PRSS35: variants seen among roughly 807,000 people sequenced by gnomAD.
PRSS35 encodes the protein serine protease 35.
Under a neutral mutation model 8.1 loss-of-function variants are expected in PRSS35, and 7 were observed. The observed-to-expected ratio is 0.86, with a 90% confidence interval of 0.49 to 1.62. The LOEUF (loss-of-function observed/expected upper bound fraction) is 1.62. Ranked by LOEUF, PRSS35 falls within the 40% of genes most tolerant of loss-of-function variation. PRSS35 has a pLI of 0.00. For missense variants in PRSS35, 566 were observed against 518.0 expected (o/e 1.09, Z -0.90); for synonymous variants, 199 against 188.7 (o/e 1.05, Z -0.45).
intron 1 of PRSS35, among the ~76,000 whole-genome samples, chr6:83,518,204 T>C (rs1053917255): frequency 7.2e-5 from 11 of 152,230 alleles, no homozygotes; most frequent in African/African-American, 2.4e-4. Flanking sequence ...AGCTAGACTA[T>C]AAACTTCTAG....
In PRSS35 at chr6:83,524,194, G is replaced by GA; in HGVS notation, c.754dup (p.Thr252AsnfsTer25). On this transcript the variant is annotated frameshift_variant, in exon 2 of 2. Coordinates refer to ENST00000369700, the MANE Select transcript of PRSS35 (RefSeq NM_153362.3). LOFTEE classifies it high-confidence loss of function. Reference sequence around the variant, plus strand: ...CCGAAGGGAGGCCTTCCTTTCAGTGGACCCGGGTCAAGAATACCCACATTC... The same window carrying GA: ...CCGAAGGGAGGCCTTCCTTTCAGTGGAACCCGGGTCAAGAATACCCACATTC... 6.2e-7 allele frequency: 1 copy of GA among 1,614,104 alleles called. No individual in the cohort carries two copies. Among genetic ancestry groups the GA allele is most frequent in the Non-Finnish European group, 8.5e-7 (1 of 1,180,018 alleles).
rs504593 is a variant in PRSS35 at position 83,524,112 on chromosome 6, G to A, written c.671G>A (p.Arg224Gln). 0.91 allele frequency: 1,466,436 copies of A among 1,614,022 alleles called. 667,098 individuals are homozygous for A. The highest frequency in any genetic ancestry group is 1 in the East Asian group (44,849 of 44,856). Residue 224 changes from arginine (R) to glutamine (Q), a missense_variant, in exon 2 of 2, where the codon CGG (arginine) becomes CAG (glutamine). Transcript: ENST00000369700. ...DQREGTREHL[R>Q]ERAKGGRRRK... ...AGAGAGGGTACCAGAGAGCATCTGC[G>A]GGAGAGAGCGAAGGGTGGGAGAAGA... is the stretch of plus-strand genomic sequence containing the variant.
At chr6:83,513,720 C>T (rs1463217195) in intron 1 of PRSS35, among the ~76,000 whole-genome samples, 1 of 151,870 alleles carries the variant, frequency 6.6e-6, no homozygotes, top group Non-Finnish European at 1.5e-5. Context: ...GATACTGTAC[C>T]CCATTTTTCT....
At position 83,523,658 on chromosome 6, in the gene PRSS35, C is replaced by G; in HGVS notation, c.217C>G (p.Pro73Ala). 6.2e-7 allele frequency: 1 copy of G among 1,614,164 alleles called. No individual in the cohort carries two copies. The highest frequency in any genetic ancestry group is 8.5e-7 in the Non-Finnish European group (1 of 1,180,032). The change falls in exon 2 of 2, where the codon CCC (proline) becomes GCC (alanine). Residue 73 changes from proline to alanine, a missense_variant. Physicochemically the swap from Pro to Ala is conservative, Grantham distance 27. Coordinates refer to ENST00000369700, the MANE Select transcript of PRSS35 (RefSeq NM_153362.3). Reference sequence around the variant, plus strand: ...CGAATGCCAGAAAGAACTCCCAACTCCCAGCCTTTCTGAATTGGAGGATTA... The same window carrying G: ...CGAATGCCAGAAAGAACTCCCAACTGCCAGCCTTTCTGAATTGGAGGATTA... ...GIECQKELPT[P>A]SLSELEDYLS...
At chr6:83,517,249 T>C (rs754575378) in intron 1 of PRSS35, among the ~76,000 whole-genome samples, 16 of 152,202 alleles carry the variant, frequency 1.1e-4, no homozygotes, top group Non-Finnish European at 1.9e-4. Context: ...GTACTTAAGG[T>C]TGATTTGGCT....
chr6:83,522,296 A>G (rs2127713691), intron 1 of PRSS35, among the ~76,000 whole-genome samples: 1 of 152,184 alleles, frequency 6.6e-6, no homozygotes, highest in South Asian at 2.1e-4. Context: ...GAGGTTCAAA[A>G]TTGCTGCTCC....
chr6:83,520,686 A>AT, intron 1 of PRSS35, among the ~76,000 whole-genome samples: 1 of 152,350 alleles, frequency 6.6e-6, no homozygotes, highest in East Asian at 1.9e-4. Flanking sequence ...TTTCCAAAGT[A>AT]TTGTCCAAGG....
At position 83,524,156 on chromosome 6, in the gene PRSS35, G is replaced by T. The variant is rs555827964; in HGVS notation, c.715G>T (p.Gly239Cys). 5.6e-6 allele frequency: 9 copies of T among 1,614,074 alleles called. No individual in the cohort carries two copies. The highest frequency in any genetic ancestry group is 7.6e-6 in the Non-Finnish European group (9 of 1,180,018). The change falls in exon 2 of 2, where the codon GGT (glycine) becomes TGT (cysteine). Residue 239 changes from glycine to cysteine, a missense_variant. Transcript: ENST00000369700. Reference sequence around the variant, plus strand: ...GAGAAGAAGAAAAAAATCTGGCCGGGGTCAGAGGATTGCCGAAGGGAGGCC... The same window carrying T: ...GAGAAGAAGAAAAAAATCTGGCCGGTGTCAGAGGATTGCCGAAGGGAGGCC... ...GGRRRKKSGR[G>C]QRIAEGRPSF...
rs1410610684 is a variant in PRSS35 at position 83,512,643 on chromosome 6, G to T, written c.-72G>T. 6.6e-6 allele frequency: 1 copy of T among 152,242 alleles called. No homozygotes were observed. Among genetic ancestry groups the T allele is most frequent in the Admixed American group, 6.6e-5 (1 of 15,264 alleles). The allele number at this position is 152,242 out of a possible 1,614,324, so 9.4% of individuals were successfully genotyped here. On this transcript the variant is annotated 5_prime_UTR_variant, in exon 1 of 2. Coordinates refer to ENST00000369700, the MANE Select transcript of PRSS35 (RefSeq NM_153362.3). The stretch of plus-strand genomic sequence containing the variant: ...TGCAGCGTCCCCGCCCGCCTCCTCG[G>T]GAGCTCTGATCTCAGCTGACAGTGC...
At chr6:83,514,011 T>C (rs1173838340) in intron 1 of PRSS35, among the ~76,000 whole-genome samples, 1 of 152,108 alleles carries the variant, frequency 6.6e-6, no homozygotes, top group South Asian at 2.1e-4. Context: ...AGATGAGAAA[T>C]CTGAGATGGA....
In PRSS35 at chr6:83,524,376, T is replaced by A. The variant is rs982873007; in HGVS notation, c.935T>A (p.Phe312Tyr). The A allele has an allele frequency of 1.2e-6, 2 of 1,614,040 alleles. No individual in the cohort carries two copies. Among genetic ancestry groups the A allele is most frequent in the African/African-American group, 2.7e-5 (2 of 74,916 alleles). ...MPGGMIHFSG[F>Y]DNDRADQLVY... ...GGTGGAATGATCCACTTCTCAGGATTTGATAACGATAGGGCTGATCAGTTG... is the reference window on the plus strand; with the variant it reads ...GGTGGAATGATCCACTTCTCAGGATATGATAACGATAGGGCTGATCAGTTG... The change falls in exon 2 of 2, where the codon TTT becomes TAT. Residue 312 changes from phenylalanine to tyrosine, a missense_variant. By Grantham distance (22) the Phe-to-Tyr change is conservative (BLOSUM62 3). Coordinates refer to ENST00000369700, the MANE Select transcript of PRSS35 (RefSeq NM_153362.3).
chr6:83,522,324 C>A (rs1306057477), intron 1 of PRSS35, among the ~76,000 whole-genome samples: 5 of 152,008 alleles, frequency 3.3e-5, no homozygotes, highest in South Asian at 2.1e-4. Flanking sequence ...TCCTACTATA[C>A]CCACCTCCAA....
Position 83,524,561 on chromosome 6 carries a change from C to CA in PRSS35, c.1121dup (p.Trp375ValfsTer44). The CA allele has an allele frequency of 6.2e-7, 1 of 1,614,140 alleles. No individual in the cohort carries two copies. Among genetic ancestry groups the CA allele is most frequent in the Non-Finnish European group, 8.5e-7 (1 of 1,180,020 alleles). On this transcript the variant is annotated frameshift_variant, in exon 2 of 2. Transcript: ENST00000369700. LOFTEE classifies it high-confidence loss of function. Reference sequence around the variant, plus strand: ...AATCATTGCGGTCTACTCAGGGCACCAGTGGGTGGATGTCCACGGGGTTCA... The same window carrying CA: ...AATCATTGCGGTCTACTCAGGGCACCAAGTGGGTGGATGTCCACGGGGTTCA...
At chr6:83,517,784 A>G (rs1435633783) in intron 1 of PRSS35, among the ~76,000 whole-genome samples, 1 of 152,202 alleles carries the variant, frequency 6.6e-6, no homozygotes, top group Non-Finnish European at 1.5e-5. Context: ...TAAATAGAGG[A>G]CAGCCAAGTT....
Position 83,523,909 on chromosome 6 carries a change from C to T in PRSS35, c.468C>T (p.Gly156=), listed in dbSNP as rs748332225. ...TAVKLSTGCS[G]ILISPQHVLT... ...TGAAGCTTTCCACGGGCTGTAGTGG[C>T]ATTCTCATTTCCCCTCAGCATGTTC... The change falls in exon 2 of 2, where the codon GGC becomes GGT. Residue 156 remains glycine, a synonymous_variant. Coordinates refer to ENST00000369700, the MANE Select transcript of PRSS35 (RefSeq NM_153362.3). 1.2e-6 allele frequency: 2 copies of T among 1,614,212 alleles called. No homozygotes were observed. Among genetic ancestry groups the T allele is most frequent in the East Asian group, 4.5e-5 (2 of 44,886 alleles).
chr6:83,521,798 G>A (rs1041103034), intron 1 of PRSS35, among the ~76,000 whole-genome samples: 15 of 151,794 alleles, frequency 9.9e-5, no homozygotes, highest in Admixed American at 7.9e-4. Flanking sequence ...TACCACACCC[G>A]GCCTGCTTAA....
rs770008879 is a variant in PRSS35 at position 83,523,919 on chromosome 6, T to A, written c.478T>A (p.Ser160Thr). 1 of 1,614,150 alleles carries A rather than the reference T, an allele frequency of 6.2e-7. No homozygotes were observed. The highest frequency in any genetic ancestry group is 8.5e-7 in the Non-Finnish European group (1 of 1,180,038). ...CACGGGCTGTAGTGGCATTCTCATTTCCCCTCAGCATGTTCTAACTGCTGC... is the reference window on the plus strand; with the variant it reads ...CACGGGCTGTAGTGGCATTCTCATTACCCCTCAGCATGTTCTAACTGCTGC... ...LSTGCSGILI[S>T]PQHVLTAAHC... Residue 160 changes from serine (S) to threonine (T), a missense_variant, in exon 2 of 2, where the codon TCC becomes ACC. Ser to Thr is a moderately conservative substitution (Grantham distance 58, BLOSUM62 1). Coordinates refer to ENST00000369700, the MANE Select transcript of PRSS35 (RefSeq NM_153362.3).
intron 1 of PRSS35, among the ~76,000 whole-genome samples, chr6:83,517,469 G>A (rs541552172): frequency 2.0e-5 from 3 of 152,276 alleles, no homozygotes; most frequent in African/African-American, 4.8e-5. Flanking sequence ...AAATAAAACT[G>A]ACTATGAAAG....
intron 1 of PRSS35, among the ~76,000 whole-genome samples, chr6:83,517,304 A>T (rs1056487303): frequency 2.0e-5 from 3 of 151,360 alleles, no homozygotes; most frequent in Non-Finnish European, 4.4e-5. Context: ...CCTAGTTCTT[A>T]CTCCCCTTTT....
Sources: allele counts gnomAD v4.1 joint callset (sites outside exome capture counted in the v4.1 genomes callset), GRCh38; gene constraint gnomAD v4.1.1; transcripts MANE v1.5; gene names NCBI Gene and HGNC (gene_info 2026-07-23, HGNC 2026-07-21).